The following ACYP2 variants were observed in gnomAD, a reference collection of about 807,000 sequenced individuals.
ACYP2 encodes acylphosphatase 2.
In ACYP2, 12 loss-of-function variants were observed where a neutral mutation model predicts 11.2. The ratio of observed to expected loss-of-function variants is 1.08; its 90% CI spans 0.69 to 1.74. The LOEUF (loss-of-function observed/expected upper bound fraction) is 1.74, where lower values mean the gene tolerates loss of function less well. Ranked by LOEUF, ACYP2 falls within the 40% of genes most tolerant of loss-of-function variation. The pLI, the probability that ACYP2 is intolerant of heterozygous loss-of-function variation, is 0.00. For synonymous variants in ACYP2, 43 were observed against 32.2 expected (o/e 1.33, Z -1.13); for missense variants, 134 against 101.9 (o/e 1.31, Z -1.35).
intron 2 of ACYP2, among the ~76,000 whole-genome samples, chr2:54,034,357 TCTACCCCCCAAAATAA>T (rs1674755776): frequency 6.6e-6 from 1 of 152,072 alleles, no homozygotes; most frequent in Admixed American, 6.6e-5. Context: ...GACTCCAACC[TCTACCCCCCAAAATAA>T]GACTATAATA....
chr2:54,305,117 T>A lies in ACYP2; in HGVS notation c.*315T>A, dbSNP rs1238781848. ...CATATATATGTTATTTGGCGAGACA[T>A]CAAATAAAGTTAACCATTTAAAAAT... On this transcript the variant is annotated 3_prime_UTR_variant, in exon 7 of 7. Coordinates refer to ENST00000607452, the MANE Select transcript of ACYP2 (RefSeq NM_001320586.2). 1.7e-5 allele frequency: 3 copies of A among 176,366 alleles called. No homozygotes were observed. The East Asian group carries it at 4.5e-4, about 26-fold the overall frequency. 10.9% of individuals were successfully genotyped at this position (176,366 alleles called of 1,614,324 possible). A position where few individuals can be genotyped will look rare whatever the true frequency, so the allele number is the denominator to read the frequency against.
At chr2:54,216,180 T>C (rs1166474998) in intron 6 of ACYP2, among the ~76,000 whole-genome samples, 1 of 152,220 alleles carries the variant, frequency 6.6e-6, no homozygotes, top group East Asian at 1.9e-4. Context: ...CAATAATCCA[T>C]ATAAATAATT....
At chr2:54,261,661 CTT>C (rs1349684097) in intron 6 of ACYP2, among the ~76,000 whole-genome samples, 1 of 152,172 alleles carries the variant, frequency 6.6e-6, no homozygotes, top group Non-Finnish European at 1.5e-5. Context: ...ATCCCTCTCT[CTT>C]GACTTAAATT....
chr2:54,035,009 C>CAAAAAAAA lies in ACYP2; in HGVS notation c.63-15933_63-15926dup, dbSNP rs550142135. The stretch of plus-strand genomic sequence containing the variant: ...CAGGCGACAGTGCGAGACTACATCT[C>CAAAAAAAA]AAAAAAAAAAAAAAAAAAAAAAAGC... On this transcript the variant is annotated intron_variant, in intron 2 of 6. Transcript: ENST00000607452. Among the ~76,000 whole-genome samples, 149 of 44,752 alleles carry CAAAAAAAA rather than the reference C, an allele frequency of 3.3e-3. 7 individuals carry two copies. Among genetic ancestry groups the CAAAAAAAA allele is most frequent in the African/African-American group, 8.1e-3 (135 of 16,616 alleles). The allele number at this position is 44,752 out of a possible 152,430, so 29.4% of individuals were successfully genotyped here.
intron 2 of ACYP2, among the ~76,000 whole-genome samples, chr2:54,041,249 CG>C (rs1675208476): frequency 6.6e-6 from 1 of 151,856 alleles, no homozygotes; most frequent in African/African-American, 2.4e-5. Flanking sequence ...GCCCGGCCAG[CG>C]GTGGCCTTTT....
intron 2 of ACYP2, among the ~76,000 whole-genome samples, chr2:53,977,664 G>C (rs1671559723): frequency 6.6e-6 from 1 of 151,322 alleles, no homozygotes; most frequent in Non-Finnish European, 1.5e-5. Context: ...GAACCTGGGA[G>C]AGGGAGGTTG....
chr2:54,242,427 T>C (rs899269596), intron 6 of ACYP2, among the ~76,000 whole-genome samples: 8 of 152,180 alleles, frequency 5.3e-5, no homozygotes, highest in Admixed American at 3.3e-4. Context: ...AAATGGAAAA[T>C]TGGATTATAT....
chr2:54,168,387 T>C (rs1164341662), intron 6 of ACYP2, among the ~76,000 whole-genome samples: 2 of 151,910 alleles, frequency 1.3e-5, no homozygotes, highest in African/African-American at 4.8e-5. Flanking sequence ...GATCACGACA[T>C]TGCACTCCAG....
At chr2:54,147,838 A>G (rs368826308) in intron 6 of ACYP2, among the ~76,000 whole-genome samples, 129 of 152,028 alleles carry the variant, frequency 8.5e-4, no homozygotes, top group African/African-American at 2.8e-3. Context: ...CTGTTTTCCT[A>G]CTAATTATTT....
At chr2:54,229,525 C>A (rs1686145475) in intron 6 of ACYP2, among the ~76,000 whole-genome samples, 1 of 152,064 alleles carries the variant, frequency 6.6e-6, no homozygotes, top group South Asian at 2.1e-4. Flanking sequence ...GTTTGATATC[C>A]TTAACAGACA....
chr2:54,082,573 C>A (rs1389031789), intron 4 of ACYP2: 1 of 152,182 alleles, frequency 6.6e-6, no homozygotes, highest in Non-Finnish European at 1.5e-5. Flanking sequence ...ACAAGTACTT[C>A]CTTATTAAAA....
intron 6 of ACYP2, among the ~76,000 whole-genome samples, chr2:54,268,072 T>C (rs760068450): frequency 2.0e-5 from 3 of 152,186 alleles, no homozygotes; most frequent in Non-Finnish European, 2.9e-5. Context: ...TAAGACACAA[T>C]ATGGAAAGCC....
chr2:54,135,326 T>A, intron 4 of ACYP2, 127 bp from the exon 2 acceptor site: 1 of 753,024 alleles, frequency 1.3e-6, no homozygotes, highest in Non-Finnish European at 2.2e-6. Context: ...GATGGAGGAT[T>A]AAGTGAAACT....
intron 6 of ACYP2, among the ~76,000 whole-genome samples, chr2:54,211,786 A>C (rs1308824772): frequency 6.6e-6 from 1 of 152,216 alleles, no homozygotes; most frequent in Non-Finnish European, 1.5e-5. Flanking sequence ...TTACAGTGCA[A>C]CTTTAAGGCT....
intron 4 of ACYP2, among the ~76,000 whole-genome samples, chr2:54,086,778 T>C (rs1677970156): frequency 6.6e-6 from 1 of 152,238 alleles, no homozygotes; most frequent in Admixed American, 6.5e-5. Context: ...CCTAAACTCT[T>C]GTTCCCATTT....
At chr2:54,150,544 C>T (rs964223394) in intron 6 of ACYP2, among the ~76,000 whole-genome samples, 5 of 152,080 alleles carry the variant, frequency 3.3e-5, no homozygotes, top group African/African-American at 1.2e-4. Context: ...GCCTCAGCCT[C>T]CTGAGTAGCT....
At chr2:54,123,382 G>T (rs1370284939) in intron 4 of ACYP2, 1 of 398,452 alleles carries the variant, frequency 2.5e-6, no homozygotes, top group Admixed American at 4.4e-5. Context: ...CAAAATTGGA[G>T]AATGACTGCC....
intron 4 of ACYP2, among the ~76,000 whole-genome samples, chr2:54,098,919 G>GCTACATCTCTACATGCTAT (rs1678738835): frequency 6.6e-6 from 1 of 152,046 alleles, no homozygotes; most frequent in Non-Finnish European, 1.5e-5. Flanking sequence ...GTAGAGATGA[G>GCTACATCTCTACATGCTAT]GTCTTGCTAT....
At chr2:54,189,240 G>T (rs984656185) in intron 6 of ACYP2, among the ~76,000 whole-genome samples, 1 of 152,094 alleles carries the variant, frequency 6.6e-6, no homozygotes, top group African/African-American at 2.4e-5. Flanking sequence ...ATTATTAACT[G>T]TAGTCATGTT....
Sources: allele counts gnomAD v4.1 joint callset (sites outside exome capture counted in the v4.1 genomes callset), GRCh38; gene constraint gnomAD v4.1.1; transcripts MANE v1.5; gene names NCBI Gene and HGNC (gene_info 2026-07-23, HGNC 2026-07-21).